Variants in SLC9A9 observed in about 807,000 individuals in gnomAD.
SLC9A9 encodes solute carrier family 9 member A9, also known as sodium/hydrogen exchanger 9.
Under a neutral mutation model 77.8 loss-of-function variants are expected in SLC9A9, and 62 were observed. The ratio of observed to expected loss-of-function variants is 0.80; its 90% CI spans 0.65 to 0.98. The LOEUF is 0.98. Ranked by LOEUF, SLC9A9 falls within the 50% of genes least tolerant of loss-of-function variation. The pLI is 0.00. For synonymous variants in SLC9A9, 320 were observed against 283.5 expected (o/e 1.13, Z -1.29); for missense variants, 775 against 774.9 (o/e 1.00, Z 0.00).
chr3:143,715,995 T>C (rs1295843150), intron 4 of SLC9A9, among the ~76,000 whole-genome samples: 1 of 152,218 alleles, frequency 6.6e-6, no homozygotes, highest in Non-Finnish European at 1.5e-5. Flanking sequence ...GCCACCATCG[T>C]CCATAGCAAC....
At chr3:143,410,246 A>T (rs2034066980) in intron 12 of SLC9A9, among the ~76,000 whole-genome samples, 1 of 152,136 alleles carries the variant, frequency 6.6e-6, no homozygotes, top group South Asian at 2.1e-4. Context: ...TTGCCTTGAG[A>T]TGCTAACTGC....
In SLC9A9 at chr3:143,835,089, C is replaced by G. The variant is rs114799643; in HGVS notation, c.176-2868G>C. On this transcript the variant is annotated intron_variant, in intron 1 of 15. Coordinates refer to ENST00000316549, the MANE Select transcript of SLC9A9 (RefSeq NM_173653.4). ...TCTTGCCAAACTTTTCCTAGAATTGCACCACAGCCTAAAGATTTCCTACCC... is the reference window on the plus strand; with the variant it reads ...TCTTGCCAAACTTTTCCTAGAATTGGACCACAGCCTAAAGATTTCCTACCC... Among the ~76,000 whole-genome samples, 1,093 of 152,302 alleles carry G rather than the reference C, an allele frequency of 7.2e-3. 7 individuals carry two copies. Among genetic ancestry groups the G allele is most frequent in the Middle Eastern group, 0.014 (4 of 294 alleles).
At chr3:143,630,572 G>A (rs1215262671) in intron 6 of SLC9A9, among the ~76,000 whole-genome samples, 1 of 152,062 alleles carries the variant, frequency 6.6e-6, no homozygotes, top group Non-Finnish European at 1.5e-5. Flanking sequence ...GATCAATTTT[G>A]TTAATGATAA....
chr3:143,551,872 T>G (rs1236190838), intron 9 of SLC9A9, among the ~76,000 whole-genome samples: 1 of 152,218 alleles, frequency 6.6e-6, no homozygotes, highest in Non-Finnish European at 1.5e-5. Context: ...AGAATCTGTG[T>G]GTTTATGTGG....
intron 6 of SLC9A9, among the ~76,000 whole-genome samples, chr3:143,605,170 G>A (rs2037900911): frequency 1.3e-5 from 2 of 152,176 alleles, no homozygotes; most frequent in Admixed American, 1.3e-4. Flanking sequence ...CATCAAAAGA[G>A]CAGGGCCAAC....
intron 2 of SLC9A9, among the ~76,000 whole-genome samples, chr3:143,828,050 G>A (rs937864131): frequency 1.3e-5 from 2 of 151,996 alleles, no homozygotes; most frequent in African/African-American, 4.8e-5. Flanking sequence ...AGTAGTGTGG[G>A]GTATAATAAT....
chr3:143,306,422 C>T (rs534954476), intron 14 of SLC9A9, among the ~76,000 whole-genome samples: 1 of 152,340 alleles, frequency 6.6e-6, no homozygotes, highest in African/African-American at 2.4e-5. Flanking sequence ...TCCTCTAGAA[C>T]TGCTGGGAGA....
chr3:143,648,209 G>C (rs570958701), intron 6 of SLC9A9, among the ~76,000 whole-genome samples: 1 of 152,228 alleles, frequency 6.6e-6, no homozygotes, highest in African/African-American at 2.4e-5. Context: ...ATTAGCATAG[G>C]GAGTTTATGG....
chr3:143,776,023 T>G (rs2007677066), intron 4 of SLC9A9, among the ~76,000 whole-genome samples: 1 of 152,228 alleles, frequency 6.6e-6, no homozygotes, highest in South Asian at 2.1e-4. Flanking sequence ...CTGGCTTATA[T>G]GCAAATCCTT....
In SLC9A9 at chr3:143,309,328, T is replaced by C. The variant is rs531323899; in HGVS notation, c.1605-40348A>G. 2.0e-5 allele frequency among the ~76,000 whole-genome samples: 3 copies of C among 152,224 alleles called. No homozygotes were observed. In the East Asian group the frequency reaches 5.8e-4, roughly 29 times the overall value. On this transcript the variant is annotated intron_variant, in intron 14 of 15. Transcript: ENST00000316549. Reference sequence around the variant, plus strand: ...CCTCCACAGTATTACATTATTTCTTTCTTGGCTAAGGAAACACCACAGCGT... The same window carrying C: ...CCTCCACAGTATTACATTATTTCTTCCTTGGCTAAGGAAACACCACAGCGT...
At chr3:143,279,662 G>GTGTT (rs1017148187) in intron 14 of SLC9A9, among the ~76,000 whole-genome samples, 2 of 152,138 alleles carry the variant, frequency 1.3e-5, no homozygotes, top group Non-Finnish European at 2.9e-5. Context: ...AGAACATGCG[G>GTGTT]TGTTTGGTTT....
chr3:143,466,985 A>G lies in SLC9A9; in HGVS notation c.1469+52T>C. 4 of 1,591,156 alleles carry G rather than the reference A, an allele frequency of 2.5e-6. No homozygotes were observed. In the Admixed American group the frequency reaches 7.0e-5, roughly 28 times the overall value. ...CTAAGTCAGCAATACCAGAAATTGAACAGCGCAGCCATGCCTCATAATGAT... is the reference window on the plus strand; with the variant it reads ...CTAAGTCAGCAATACCAGAAATTGAGCAGCGCAGCCATGCCTCATAATGAT... On this transcript the variant is annotated intron_variant, in intron 12 of 15. Transcript: ENST00000316549.
intron 2 of SLC9A9, among the ~76,000 whole-genome samples, chr3:143,816,928 C>T (rs2009032899): frequency 6.6e-6 from 1 of 152,042 alleles, no homozygotes; most frequent in Non-Finnish European, 1.5e-5. Context: ...CATTTATTGG[C>T]CTTTGTGGTA....
intron 6 of SLC9A9, among the ~76,000 whole-genome samples, chr3:143,642,906 T>A (rs930063119): frequency 6.6e-6 from 1 of 152,190 alleles, no homozygotes; most frequent in African/African-American, 2.4e-5. Context: ...TTTTCTAATT[T>A]TTCCCCACTC....
chr3:143,527,849 A>G (rs1444029057), intron 9 of SLC9A9, among the ~76,000 whole-genome samples: 1 of 152,122 alleles, frequency 6.6e-6, no homozygotes, highest in East Asian at 1.9e-4. Context: ...GGTAGAGGTA[A>G]GGGGCAGGAT....
intron 8 of SLC9A9, among the ~76,000 whole-genome samples, chr3:143,552,936 C>T (rs2036918082): frequency 6.6e-6 from 1 of 152,164 alleles, no homozygotes; most frequent in Non-Finnish European, 1.5e-5. Context: ...GAGTGACAAA[C>T]CTAAGACATC....
At chr3:143,410,407 C>T (rs1002045311) in intron 12 of SLC9A9, among the ~76,000 whole-genome samples, 2 of 152,142 alleles carry the variant, frequency 1.3e-5, no homozygotes, top group Non-Finnish European at 2.9e-5. Context: ...CAAACTTAGT[C>T]TTTCTTCTCC....
At chr3:143,736,387 TAAAC>T (rs1284343453) in intron 4 of SLC9A9, among the ~76,000 whole-genome samples, 1 of 152,190 alleles carries the variant, frequency 6.6e-6, no homozygotes, top group Non-Finnish European at 1.5e-5. Flanking sequence ...GATTATTCAT[TAAAC>T]AAACATTTAC....
Position 143,355,137 on chromosome 3 carries a change from A to C in SLC9A9, c.1604+8347T>G, listed in dbSNP as rs528059225. On this transcript the variant is annotated intron_variant, in intron 14 of 15. Transcript: ENST00000316549. ...GCTCCATCCATTTACTCAAAATCAAAGAAGAAGAATTATGTCTGATTTATA... is the reference window on the plus strand; with the variant it reads ...GCTCCATCCATTTACTCAAAATCAACGAAGAAGAATTATGTCTGATTTATA... Among the ~76,000 whole-genome samples, 22 of 152,356 alleles carry C rather than the reference A, an allele frequency of 1.4e-4. No homozygotes were observed. In the South Asian group the frequency reaches 2.7e-3, roughly 19 times the overall value.
Sources: gnomAD v4.1 joint callset for allele counts (sites outside exome capture counted in the v4.1 genomes callset) on GRCh38, gnomAD v4.1.1 for gene constraint, MANE v1.5 for transcripts, NCBI Gene and HGNC (gene_info 2026-07-23, HGNC 2026-07-21) for gene names.